MAL2: variants seen among roughly 807,000 people sequenced by gnomAD.
MAL2 encodes mal, T cell differentiation protein 2.
MAL2 carries 17 observed loss-of-function variants against 18.1 expected under a neutral mutation model. The observed-to-expected ratio is 0.94, with a 90% confidence interval of 0.64 to 1.41. MAL2 has a LOEUF of 1.41. Ranked by LOEUF, MAL2 falls within the 40% of genes most tolerant of loss-of-function variation. The pLI is 0.00. For missense variants in MAL2, 222 were observed against 231.9 expected (o/e 0.96, Z 0.28); for synonymous variants, 102 against 102.3 (o/e 1.00, Z 0.02).
chr8:119,208,432 GC>G lies in MAL2; in HGVS notation c.-40del. The G allele has an allele frequency of 9.1e-7, 1 of 1,099,618 alleles. No homozygotes were observed. The highest frequency in any genetic ancestry group is 1.1e-6 in the Non-Finnish European group (1 of 894,552). The allele number at this position is 1,099,618 out of a possible 1,614,324, so 68.1% of individuals were successfully genotyped here. On this transcript the variant is annotated 5_prime_UTR_variant, in exon 1 of 4. Coordinates refer to ENST00000614891, the MANE Select transcript of MAL2 (RefSeq NM_052886.3). The surrounding 1 kb of genome is among the most constrained non-coding windows in gnomAD (Gnocchi z 4.3). ...GGAGCCCGGGAGGCGGAGGCGGGAGGCGGCGGCGGCGCGCGGAGACGCAGCA... is the reference window on the plus strand; with the variant it reads ...GGAGCCCGGGAGGCGGAGGCGGGAGGGGCGGCGGCGCGCGGAGACGCAGCA...
At chr8:119,219,525 GTGTGT>G (rs1434850943) in intron 1 of MAL2, among the ~76,000 whole-genome samples, 8 of 2,146 alleles carry the variant, frequency 3.7e-3, no homozygotes, top group Admixed American at 0.018. Flanking sequence ...CCCTGGGTGT[GTGTGT>G]GTGTGTGTGT....
Position 119,240,285 on chromosome 8 carries a change from A to T in MAL2, c.424A>T (p.Ser142Cys). 1 of 1,613,726 alleles carries T rather than the reference A, an allele frequency of 6.2e-7. No homozygotes were observed. The highest frequency in any genetic ancestry group is 8.5e-7 in the Non-Finnish European group (1 of 1,179,794). Residue 142 changes from serine to cysteine, a missense_variant, in exon 3 of 4, where the codon AGT becomes TGT. Coordinates refer to ENST00000614891, the MANE Select transcript of MAL2 (RefSeq NM_052886.3). Reference sequence around the variant, plus strand: ...AACCATAACCGGGCAGCCACTCCTGAGTGATAACCAGTATAACATAAACGT... The same window carrying T: ...AACCATAACCGGGCAGCCACTCCTGTGTGATAACCAGTATAACATAAACGT... ...NTTITGQPLL[S>C]DNQYNINVAA...
chr8:119,238,433 G>T (rs1206940254), intron 2 of MAL2, among the ~76,000 whole-genome samples: 3 of 152,068 alleles, frequency 2.0e-5, no homozygotes, highest in Non-Finnish European at 4.4e-5. Flanking sequence ...CTACTTTAAA[G>T]TTCATAGGAA....
intron 1 of MAL2, among the ~76,000 whole-genome samples, chr8:119,212,889 A>C (rs1407606023): frequency 6.6e-6 from 1 of 152,220 alleles, no homozygotes; most frequent in East Asian, 1.9e-4. Context: ...TGCTAGGCCA[A>C]GGCATTGGAT....
chr8:119,240,251 T>C lies in MAL2; in HGVS notation c.390T>C (p.His130=), dbSNP rs1338934644. The C allele has an allele frequency of 3.7e-6, 6 of 1,613,648 alleles. No individual in the cohort carries two copies. The Admixed American group carries it at 5.0e-5, about 13-fold the overall frequency. The part of the protein sequence containing the change: ...EAAATSLHDL[H]CNTTITGQPL... ...CAGCCACATCCCTGCATGATTTGCA[T>C]TGCAATACAACCATAACCGGGCAGC... The change falls in exon 3 of 4, where the codon CAT becomes CAC. Residue 130 remains histidine (H), a synonymous_variant. Transcript: ENST00000614891.
intron 2 of MAL2, among the ~76,000 whole-genome samples, chr8:119,234,356 C>G (rs1817822789): frequency 6.6e-6 from 1 of 152,190 alleles, no homozygotes; most frequent in Non-Finnish European, 1.5e-5. Flanking sequence ...TGAGATCAAA[C>G]TGCAAGGCGG....
At chr8:119,210,514 A>C (rs1416209667) in intron 1 of MAL2, among the ~76,000 whole-genome samples, 1 of 152,142 alleles carries the variant, frequency 6.6e-6, no homozygotes, top group Non-Finnish European at 1.5e-5. Context: ...ACCAGCCCAG[A>C]CTAATTAAAT....
Position 119,244,079 on chromosome 8 carries a change from T to A in MAL2, c.*591T>A, listed in dbSNP as rs1015776442. On this transcript the variant is annotated 3_prime_UTR_variant, in exon 4 of 4. Coordinates refer to ENST00000614891, the MANE Select transcript of MAL2 (RefSeq NM_052886.3). ...TGTGGTTATGTTCTAATAAAACTTA[T>A]TTATAAAAACAAGGGGAGGCTGGGT... The A allele has an allele frequency of 6.6e-6, 1 of 152,170 alleles. No individual in the cohort carries two copies. Among genetic ancestry groups the A allele is most frequent in the East Asian group, 1.9e-4 (1 of 5,184 alleles). 9.4% of individuals were successfully genotyped at this position (152,170 alleles called of 1,614,324 possible). A position where few individuals can be genotyped will look rare whatever the true frequency, so the allele number is the denominator to read the frequency against.
At chr8:119,229,857 A>G (rs983717854) in intron 2 of MAL2, among the ~76,000 whole-genome samples, 6 of 152,182 alleles carry the variant, frequency 3.9e-5, no homozygotes, top group South Asian at 2.1e-4. Context: ...CCCTGTGGCC[A>G]TAGGTACGAA....
At chr8:119,234,154 A>G (rs1384351190) in intron 2 of MAL2, among the ~76,000 whole-genome samples, 1 of 152,200 alleles carries the variant, frequency 6.6e-6, no homozygotes, top group African/African-American at 2.4e-5. Flanking sequence ...TGGGAAGCGC[A>G]AGGGGTCAGA....
At chr8:119,219,302 G>A (rs901822654) in intron 1 of MAL2, among the ~76,000 whole-genome samples, 1 of 152,186 alleles carries the variant, frequency 6.6e-6, no homozygotes, top group African/African-American at 2.4e-5. Context: ...CTTCAAAGTA[G>A]TAACAAATTA....
intron 2 of MAL2, among the ~76,000 whole-genome samples, chr8:119,235,086 A>G (rs891574720): frequency 3.3e-5 from 5 of 152,014 alleles, no homozygotes; most frequent in Admixed American, 6.6e-5. Flanking sequence ...ATGTATAACT[A>G]GAATAACCAA....
intron 3 of MAL2, 145 bp from the exon 4 acceptor site, chr8:119,243,272 A>G (rs1185061547): frequency 1.8e-6 from 1 of 569,068 alleles, no homozygotes; most frequent in Admixed American, 3.7e-5. Context: ...TCATCAAAAA[A>G]AAAAAAACAA....
intron 2 of MAL2, among the ~76,000 whole-genome samples, chr8:119,230,935 G>C (rs1817708073): frequency 6.6e-6 from 1 of 152,194 alleles, no homozygotes; most frequent in South Asian, 2.1e-4. Context: ...TTACAAATGA[G>C]AGTTATTTAA....
chr8:119,214,041 A>C (rs1372125381), intron 1 of MAL2, among the ~76,000 whole-genome samples: 1 of 152,214 alleles, frequency 6.6e-6, no homozygotes, highest in East Asian at 1.9e-4. Flanking sequence ...TGTTTTGTAG[A>C]GCCTGATAGA....
intron 2 of MAL2, among the ~76,000 whole-genome samples, chr8:119,236,690 C>G (rs1355486301): frequency 2.0e-5 from 3 of 151,062 alleles, no homozygotes; most frequent in Middle Eastern, 3.4e-3. Context: ...TCCTGAATGA[C>G]TACTGGGTAC....
rs555428607 is a variant in MAL2, at chr8:119,224,117, G to C, written c.303+2360G>C. The C allele has an allele frequency of 3.7e-4, 56 of 152,090 alleles. 1 individual carries two copies. The highest frequency in any genetic ancestry group is 1.3e-3 in the African/African-American group (55 of 41,500). 9.4% of individuals were successfully genotyped at this position (152,090 alleles called of 1,614,324 possible). A position where few individuals can be genotyped will look rare whatever the true frequency, so the allele number is the denominator to read the frequency against. On this transcript the variant is annotated intron_variant, in intron 2 of 3. Transcript: ENST00000614891. ...GATATTGAGTTTACTATTTCTTCTGGGTTTTATTGACTAAGAAAATTACAT... is the reference window on the plus strand; with the variant it reads ...GATATTGAGTTTACTATTTCTTCTGCGTTTTATTGACTAAGAAAATTACAT...
At chr8:119,234,714 G>A (rs535220344) in intron 2 of MAL2, among the ~76,000 whole-genome samples, 9 of 151,756 alleles carry the variant, frequency 5.9e-5, no homozygotes, top group South Asian at 4.2e-4. Flanking sequence ...CAATTCACAC[G>A]GCAGGGTATT....
At chr8:119,239,562 C>T (rs1270421065) in intron 2 of MAL2, among the ~76,000 whole-genome samples, 1 of 151,870 alleles carries the variant, frequency 6.6e-6, no homozygotes, top group African/African-American at 2.4e-5. Flanking sequence ...AAATGTGGCA[C>T]ATATACACCA....
Sources: gnomAD v4.1 joint callset for allele counts (sites outside exome capture counted in the v4.1 genomes callset) on GRCh38, gnomAD v4.1.1 for gene constraint, Gnocchi (gnomAD v3.1) non-coding constraint, MANE v1.5 for transcripts, NCBI Gene and HGNC (gene_info 2026-07-23, HGNC 2026-07-21) for gene names.